Variants in CFAP20DC observed in about 807,000 individuals in gnomAD.
CFAP20DC encodes the protein CFAP20 domain containing.
A neutral mutation model predicts 101.7 loss-of-function variants in CFAP20DC; 84 were observed. That is an observed-to-expected ratio of 0.83 (90% CI 0.69 to 0.99). The LOEUF (loss-of-function observed/expected upper bound fraction) is 0.99, where lower values mean the gene tolerates loss of function less well. CFAP20DC is among the 50% of genes least tolerant of loss of function. The pLI is 0.00. For synonymous variants in CFAP20DC, 359 were observed against 351.2 expected, an observed-to-expected ratio of 1.02 and a Z score of -0.25; for missense variants, 1,007 against 970.3, an observed-to-expected ratio of 1.04 and a Z score of -0.50.
intron 4 of CFAP20DC, among the ~76,000 whole-genome samples, chr3:59,003,292 A>G (rs1283362754): frequency 6.6e-6 from 1 of 152,208 alleles, no homozygotes; most frequent in Non-Finnish European, 1.5e-5. Flanking sequence ...TATTAAACAG[A>G]AACAACTTAT....
Position 59,035,809 on chromosome 3 carries a change from C to A in CFAP20DC, c.278+3748G>T, listed in dbSNP as rs183440268. Among the ~76,000 whole-genome samples the A allele has an allele frequency of 5.1e-4, 77 of 152,232 alleles. 1 individual carries two copies. Among genetic ancestry groups the A allele is most frequent in the African/African-American group, 1.8e-3 (76 of 41,548 alleles). On this transcript the variant is annotated intron_variant, in intron 4 of 16. Coordinates refer to ENST00000482387, the MANE Select transcript of CFAP20DC (RefSeq NM_001394063.1). ...CCAGTTCTTCTGAAACTATTCCAAA[C>A]AACAGAAAAAGAGGGACTCCTCCCT...
At chr3:58,967,805 C>A (rs1379323827) in intron 4 of CFAP20DC, among the ~76,000 whole-genome samples, 3 of 152,124 alleles carry the variant, frequency 2.0e-5, no homozygotes, top group Non-Finnish European at 2.9e-5. Flanking sequence ...TATTTCATCA[C>A]CCAGGTGTTA....
At chr3:58,761,718 G>C (rs1378414924) in intron 15 of CFAP20DC, among the ~76,000 whole-genome samples, 1 of 152,214 alleles carries the variant, frequency 6.6e-6, no homozygotes, top group African/African-American at 2.4e-5. Flanking sequence ...ATGTGTCCCA[G>C]AGATTCTGGT....
rs1482093373 is a variant in CFAP20DC, at chr3:58,964,357, C to G, written c.279-26595G>C. 6.6e-6 allele frequency among the ~76,000 whole-genome samples: 1 copy of G among 152,200 alleles called. No individual in the cohort carries two copies. The highest frequency in any genetic ancestry group is 1.5e-5 in the Non-Finnish European group (1 of 68,028). On this transcript the variant is annotated intron_variant, in intron 4 of 16. Transcript: ENST00000482387. This position sits in a 1 kb window ranked among gnomAD's most constrained non-coding sequence, Gnocchi z 4.1. ...TGTAATACATTTGAATGTTAAGTCT[C>G]CACCCCAAGGTGGGCATGTAACGTG...
chr3:58,889,349 C>T (rs1379657115), intron 6 of CFAP20DC, among the ~76,000 whole-genome samples: 1 of 152,104 alleles, frequency 6.6e-6, no homozygotes, highest in Non-Finnish European at 1.5e-5. Context: ...TGAAACCTAA[C>T]CCAGTGGCCA....
At chr3:58,738,212 A>C (rs910119884), downstream of CFAP20DC, among the ~76,000 whole-genome samples, 1 of 151,926 alleles carries the variant, frequency 6.6e-6, no homozygotes, top group African/African-American at 2.4e-5. This position sits in a 1 kb window ranked among gnomAD's most constrained non-coding sequence, Gnocchi z 4.4. Flanking sequence ...TCCAGGGTAC[A>C]TGTACAGGAT....
At chr3:58,936,251 A>G (rs1357978765) in intron 5 of CFAP20DC, among the ~76,000 whole-genome samples, 15 of 152,198 alleles carry the variant, frequency 9.9e-5, no homozygotes, top group East Asian at 5.8e-4. Context: ...TTAGAATGGC[A>G]ATCATTAAAA....
At chr3:58,898,906 T>G (rs994826752) in intron 6 of CFAP20DC, among the ~76,000 whole-genome samples, 8 of 150,492 alleles carry the variant, frequency 5.3e-5, no homozygotes, top group African/African-American at 2.0e-4. Flanking sequence ...TGTTTTCTCT[T>G]TGTTTTTTTT....
At chr3:59,016,642 C>A (rs1047903182) in intron 4 of CFAP20DC, among the ~76,000 whole-genome samples, 2 of 151,804 alleles carry the variant, frequency 1.3e-5, no homozygotes, top group African/African-American at 4.8e-5. Flanking sequence ...AATCTGTATC[C>A]CATAGGTATG....
chr3:58,771,632 T>C (rs1475391997), intron 15 of CFAP20DC, among the ~76,000 whole-genome samples: 1 of 152,180 alleles, frequency 6.6e-6, no homozygotes, highest in African/African-American at 2.4e-5. Flanking sequence ...AAACAGGGCA[T>C]AAATTTTCCC....
intron 4 of CFAP20DC, among the ~76,000 whole-genome samples, chr3:58,953,979 C>T (rs2090395881): frequency 6.6e-6 from 1 of 152,112 alleles, no homozygotes; most frequent in Admixed American, 6.6e-5. Flanking sequence ...AGTAATGAGA[C>T]TATGTTGAGA....
chr3:58,762,843 T>C (rs2069787271), intron 15 of CFAP20DC, among the ~76,000 whole-genome samples: 1 of 152,246 alleles, frequency 6.6e-6, no homozygotes, highest in African/African-American at 2.4e-5. Context: ...AATTATTTTC[T>C]TTAATAATGT....
rs1213485106 is a variant in CFAP20DC, at chr3:58,742,103, A to G, written c.*357T>C. 1.0e-6 allele frequency: 1 copy of G among 959,724 alleles called. No homozygotes were observed. The highest frequency in any genetic ancestry group is 1.2e-6 in the Non-Finnish European group (1 of 805,872). 59.5% of individuals were successfully genotyped at this position (959,724 alleles called of 1,614,324 possible). A position where few individuals can be genotyped will look rare whatever the true frequency, so the allele number is the denominator to read the frequency against. ...GCAAAAATACATTTTCTGTACATCA[A>G]GCCATCATTTACAGATTAACACTGC... On this transcript the variant is annotated 3_prime_UTR_variant, in exon 17 of 17. Transcript: ENST00000482387.
rs931658687 is a variant in CFAP20DC, at chr3:58,892,786, T to C, written c.551-8077A>G. Among the ~76,000 whole-genome samples, 1 of 152,194 alleles carries C rather than the reference T, an allele frequency of 6.6e-6. No homozygotes were observed. On this transcript the variant is annotated intron_variant, in intron 6 of 16. Coordinates refer to ENST00000482387, the MANE Select transcript of CFAP20DC (RefSeq NM_001394063.1). This position sits in a 1 kb window ranked among gnomAD's most constrained non-coding sequence, Gnocchi z 4.0. ...GATCATGTCATCTGCAAAAAGGTAA[T>C]TTGACTTCCTCTCTTCCTATTTGAA...
At chr3:59,043,015 G>A (rs909852411) in intron 3 of CFAP20DC, among the ~76,000 whole-genome samples, 3 of 152,162 alleles carry the variant, frequency 2.0e-5, no homozygotes, top group African/African-American at 7.2e-5. Flanking sequence ...GAGGAGTAAA[G>A]ACCAGAAGTT....
chr3:58,944,876 A>T (rs73840015), intron 4 of CFAP20DC, among the ~76,000 whole-genome samples: 2,724 of 152,278 alleles, frequency 0.018, 67 homozygotes, highest in African/African-American at 0.061. Flanking sequence ...AACTACTGAA[A>T]TGTGTTAATT....
At chr3:59,040,053 TAAAA>T (rs1376250082) in intron 3 of CFAP20DC, among the ~76,000 whole-genome samples, 1 of 151,888 alleles carries the variant, frequency 6.6e-6, no homozygotes, top group African/African-American at 2.4e-5. Flanking sequence ...AACAACTTAA[TAAAA>T]AACAATAGAT....
intron 13 of CFAP20DC, among the ~76,000 whole-genome samples, chr3:58,839,228 C>T (rs762207420): frequency 2.0e-5 from 3 of 152,150 alleles, no homozygotes; most frequent in Non-Finnish European, 4.4e-5. Flanking sequence ...TTTTCAGTGG[C>T]CTCTAATTGG....
At chr3:58,839,252 T>C (rs925379420) in intron 13 of CFAP20DC, among the ~76,000 whole-genome samples, 8 of 152,164 alleles carry the variant, frequency 5.3e-5, no homozygotes, top group African/African-American at 1.9e-4. Flanking sequence ...TAGCAGCCCA[T>C]TGTGGTGGAA....
Sources: gnomAD v4.1 joint callset for allele counts (sites outside exome capture counted in the v4.1 genomes callset) on GRCh38, gnomAD v4.1.1 for gene constraint, Gnocchi (gnomAD v3.1) non-coding constraint, MANE v1.5 for transcripts, NCBI Gene and HGNC (gene_info 2026-07-23, HGNC 2026-07-21) for gene names.